FBXL17: variants seen among roughly 807,000 people sequenced by gnomAD.
The protein encoded by FBXL17 is F-box and leucine rich repeat protein 17.
A neutral mutation model predicts 66.2 loss-of-function variants in FBXL17; 22 were observed. The ratio of observed to expected loss-of-function variants is 0.33; its 90% CI spans 0.24 to 0.47. The LOEUF (loss-of-function observed/expected upper bound fraction) is 0.47, where lower values mean the gene tolerates loss of function less well. Among genes scored for constraint, FBXL17 ranks in the 20% least tolerant of loss-of-function variants. The pLI is 1.00. For synonymous variants in FBXL17, 474 were observed against 400.5 expected (o/e 1.18, Z -2.19); for missense variants, 878 against 948.2 (o/e 0.93, Z 0.97).
At chr5:108,365,893 G>T (rs1370195736) in intron 2 of FBXL17, among the ~76,000 whole-genome samples, 2 of 152,030 alleles carry the variant, frequency 1.3e-5, no homozygotes, top group African/African-American at 4.8e-5. Context: ...CTCATTAAAA[G>T]CCTAAAAATC....
At chr5:108,062,405 C>G (rs1422715279) in intron 6 of FBXL17, among the ~76,000 whole-genome samples, 1 of 152,050 alleles carries the variant, frequency 6.6e-6, no homozygotes, top group African/African-American at 2.4e-5. Flanking sequence ...ATGCAAAATT[C>G]ATATCTTTAA....
At chr5:107,999,944 A>C (rs1023921476) in intron 7 of FBXL17, among the ~76,000 whole-genome samples, 5 of 152,248 alleles carry the variant, frequency 3.3e-5, no homozygotes, top group Admixed American at 3.3e-4. Context: ...GGCGATAATG[A>C]AAGGCAAGAA....
intron 6 of FBXL17, among the ~76,000 whole-genome samples, chr5:108,041,222 T>C (rs186939738): frequency 2.0e-5 from 3 of 152,234 alleles, no homozygotes; most frequent in East Asian, 1.9e-4. Flanking sequence ...TCTTTAGTAT[T>C]TTATATTCCA....
chr5:108,026,222 T>C (rs1754819092), intron 6 of FBXL17, among the ~76,000 whole-genome samples: 1 of 152,150 alleles, frequency 6.6e-6, no homozygotes, highest in Admixed American at 6.6e-5. Flanking sequence ...TTTATGAGTC[T>C]TATATTTATA....
intron 5 of FBXL17, among the ~76,000 whole-genome samples, chr5:108,206,165 C>G (rs966188619): frequency 6.6e-6 from 1 of 152,132 alleles, no homozygotes; most frequent in Admixed American, 6.6e-5. Context: ...TTATAATTTT[C>G]TAATTCTATC....
chr5:108,352,559 G>A (rs1177157947), intron 3 of FBXL17, among the ~76,000 whole-genome samples: 1 of 152,180 alleles, frequency 6.6e-6, no homozygotes, highest in African/African-American at 2.4e-5. Flanking sequence ...CGCCCAGGCT[G>A]GAGTGCAGTG....
intron 4 of FBXL17, among the ~76,000 whole-genome samples, chr5:108,242,369 TG>T (rs1755896838): frequency 6.6e-6 from 1 of 151,374 alleles, no homozygotes; most frequent in Non-Finnish European, 1.5e-5. Flanking sequence ...TTGTTGTTGT[TG>T]TTGTTGTTGT....
chr5:108,204,557 T>C (rs1379292166), intron 5 of FBXL17, among the ~76,000 whole-genome samples: 1 of 152,160 alleles, frequency 6.6e-6, no homozygotes, highest in African/African-American at 2.4e-5. Flanking sequence ...ACACAAGAGA[T>C]TTGTGACATT....
intron 4 of FBXL17, among the ~76,000 whole-genome samples, chr5:108,259,222 G>A (rs1259927930): frequency 6.6e-6 from 1 of 152,162 alleles, no homozygotes; most frequent in African/African-American, 2.4e-5. Flanking sequence ...AAGAAACTAT[G>A]TTGGTTAAAA....
At chr5:108,169,755 T>TTA (rs1360001226) in intron 6 of FBXL17, among the ~76,000 whole-genome samples, 1 of 152,216 alleles carries the variant, frequency 6.6e-6, no homozygotes, top group Admixed American at 6.5e-5. Flanking sequence ...TTTTACAGAC[T>TTA]TATTTTGACT....
intron 7 of FBXL17, among the ~76,000 whole-genome samples, chr5:107,901,087 C>T (rs1455306176): frequency 7.9e-5 from 12 of 152,090 alleles, no homozygotes; most frequent in Admixed American, 6.6e-4. Flanking sequence ...GTGTTTTGAT[C>T]GCTTTTATAA....
At chr5:107,938,392 T>G (rs1750978999) in intron 7 of FBXL17, among the ~76,000 whole-genome samples, 1 of 152,108 alleles carries the variant, frequency 6.6e-6, no homozygotes, top group African/African-American at 2.4e-5. Flanking sequence ...GAAAACATGG[T>G]TCTAGGCATC....
chr5:108,242,349 T>TTTG (rs70996988), intron 4 of FBXL17, among the ~76,000 whole-genome samples: 29,000 of 146,710 alleles, frequency 0.2, 3,300 homozygotes, highest in Non-Finnish European at 0.26. Flanking sequence ...GCCTGGCTAG[T>TTTG]TTGTTGTTGT....
intron 6 of FBXL17, among the ~76,000 whole-genome samples, chr5:108,086,961 G>A (rs1332450549): frequency 6.6e-6 from 1 of 152,150 alleles, no homozygotes; most frequent in Non-Finnish European, 1.5e-5. Context: ...TGGCTGGTAT[G>A]CAGATGTGGG....
rs551111236 is a variant in FBXL17 at position 108,380,967 on chromosome 5, G to A, written c.725C>T (p.Pro242Leu). ...GGCCTGGCAGCAGCCGGCGTCGGGG[G>A]GCCGGGGCGGCGAAGCGCCTCCCCC... ...PAGGGASPPRPPDAGCCQAPE... is the reference protein window; with the variant it reads ...PAGGGASPPRLPDAGCCQAPE... The change falls in exon 1 of 9, where the codon CCC becomes CTC. Residue 242 changes from proline to leucine, a missense_variant. Around this residue, in one of 4 missense-constraint regions of FBXL17, gnomAD observed 605 missense variants for 509.5 expected, o/e 1.19. Coordinates refer to ENST00000542267, the MANE Select transcript of FBXL17 (RefSeq NM_001163315.3). 57 of 1,219,782 alleles carry A rather than the reference G, an allele frequency of 4.7e-5. No homozygotes were observed. In the Admixed American group the frequency reaches 1.8e-3, roughly 39 times the overall value. The allele number at this position is 1,219,782 out of a possible 1,614,324, so 75.6% of individuals were successfully genotyped here. A position where few individuals can be genotyped will look rare whatever the true frequency, so the allele number is the denominator to read the frequency against.
Position 108,302,950 on chromosome 5 carries a change from T to TA in FBXL17, c.1506+45448dup, listed in dbSNP as rs1463086442. Reference sequence around the variant, plus strand: ...AGGCAATTTACGTTCACTTCCTAAGTAGAGTACCTAACACATAAACCTGCA... The same window carrying TA: ...AGGCAATTTACGTTCACTTCCTAAGTAAGAGTACCTAACACATAAACCTGCA... On this transcript the variant is annotated intron_variant, in intron 4 of 8. Transcript: ENST00000542267. Among the ~76,000 whole-genome samples, 5 of 151,948 alleles carry TA rather than the reference T, an allele frequency of 3.3e-5. 2 individuals carry two copies. Among genetic ancestry groups the TA allele is most frequent in the African/African-American group, 1.2e-4 (5 of 41,516 alleles).
At chr5:108,217,211 T>C (rs1012322452) in intron 5 of FBXL17, among the ~76,000 whole-genome samples, 1 of 152,006 alleles carries the variant, frequency 6.6e-6, no homozygotes, top group Non-Finnish European at 1.5e-5. Flanking sequence ...CCAGACCCCC[T>C]CTCTGCTGGC....
chr5:108,149,962 G>C lies in FBXL17; in HGVS notation c.1745+36155C>G, dbSNP rs192169989. On this transcript the variant is annotated intron_variant, in intron 6 of 8. Coordinates refer to ENST00000542267, the MANE Select transcript of FBXL17 (RefSeq NM_001163315.3). ...GTGGTTAAAAACCTAATGTTTGTTA[G>C]AAAATTTTCAAACATACTAAAAAAA... Among the ~76,000 whole-genome samples the C allele has an allele frequency of 2.0e-5, 3 of 152,114 alleles. No homozygotes were observed. The East Asian group carries it at 5.8e-4, about 29-fold the overall frequency.
intron 8 of FBXL17, among the ~76,000 whole-genome samples, chr5:107,870,050 A>G (rs1008567025): frequency 4.6e-5 from 7 of 152,312 alleles, no homozygotes; most frequent in Admixed American, 2.6e-4. Flanking sequence ...CCCAATGCCC[A>G]GGCCATATCC....
Sources: gnomAD v4.1 joint callset for allele counts (sites outside exome capture counted in the v4.1 genomes callset) on GRCh38, gnomAD v4.1.1 for gene constraint, gnomAD v4.1.1 regional missense constraint, MANE v1.5 for transcripts, NCBI Gene and HGNC (gene_info 2026-07-23, HGNC 2026-07-21) for gene names.